Variants in NEO1 observed in about 807,000 individuals in gnomAD.
The protein encoded by NEO1 is neogenin 1.
A neutral mutation model predicts 159.7 loss-of-function variants in NEO1; 63 were observed. The observed-to-expected ratio is 0.39, with a 90% confidence interval of 0.32 to 0.49. The LOEUF is 0.49. Ranked by LOEUF, NEO1 falls within the 20% of genes least tolerant of loss-of-function variation. NEO1 has a pLI of 0.85. For missense variants in NEO1, 1,615 were observed against 1,831.0 expected (o/e 0.88, Z 2.15); for synonymous variants, 633 against 662.0 (o/e 0.96, Z 0.67).
intron 15 of NEO1, among the ~76,000 whole-genome samples, chr15:73,263,293 A>G (rs1042642821): frequency 6.6e-6 from 1 of 150,886 alleles, no homozygotes; most frequent in Non-Finnish European, 1.5e-5. Context: ...TCCTGGGTTC[A>G]AATGATTCTC....
At chr15:73,245,817 G>A (rs2039762289) in intron 9 of NEO1, among the ~76,000 whole-genome samples, 3 of 151,402 alleles carry the variant, frequency 2.0e-5, no homozygotes, top group Non-Finnish European at 4.4e-5. Context: ...TCCTGACCTC[G>A]TGATCCGCCC....
At chr15:73,285,351 C>A (rs1485447044) in intron 23 of NEO1, among the ~76,000 whole-genome samples, 1 of 152,160 alleles carries the variant, frequency 6.6e-6, no homozygotes, top group Non-Finnish European at 1.5e-5. Context: ...AACTCCTGAC[C>A]TCAAGTGATC....
At chr15:73,091,156 T>G (rs2069668445) in intron 1 of NEO1, among the ~76,000 whole-genome samples, 1 of 152,224 alleles carries the variant, frequency 6.6e-6, no homozygotes, top group Non-Finnish European at 1.5e-5. Flanking sequence ...ATACCATAAT[T>G]TACTTAGCCG....
intron 21 of NEO1, among the ~76,000 whole-genome samples, chr15:73,275,924 G>C (rs2041398498): frequency 6.6e-6 from 1 of 152,136 alleles, no homozygotes; most frequent in South Asian, 2.1e-4. Context: ...AAGTTATTTG[G>C]ATCTTGGCTA....
chr15:73,280,620 A>G (rs1298761313), intron 22 of NEO1, among the ~76,000 whole-genome samples: 1 of 152,156 alleles, frequency 6.6e-6, no homozygotes, highest in African/African-American at 2.4e-5. Flanking sequence ...TATGAACAGT[A>G]TGGTCCATTT....
intron 5 of NEO1, among the ~76,000 whole-genome samples, chr15:73,136,274 T>C (rs2031751061): frequency 6.6e-6 from 1 of 152,164 alleles, no homozygotes; most frequent in Admixed American, 6.5e-5. Flanking sequence ...AATATTTACC[T>C]TATTGGGATG....
intron 22 of NEO1, among the ~76,000 whole-genome samples, chr15:73,279,592 G>A (rs984058426): frequency 1.1e-4 from 16 of 151,814 alleles, no homozygotes; most frequent in South Asian, 6.3e-4. Context: ...CAGGTGATCC[G>A]CCCACCTCGG....
chr15:73,147,568 T>G (rs1299608626), intron 5 of NEO1, among the ~76,000 whole-genome samples: 2 of 152,156 alleles, frequency 1.3e-5, no homozygotes, highest in African/African-American at 4.8e-5. Flanking sequence ...TCTTCATTCT[T>G]TATTTAAAGA....
intron 1 of NEO1, among the ~76,000 whole-genome samples, chr15:73,107,815 G>T (rs2070766408): frequency 6.6e-6 from 1 of 152,138 alleles, no homozygotes; most frequent in South Asian, 2.1e-4. Flanking sequence ...AACTGTATTG[G>T]GTGAATGTGC....
chr15:73,118,445 G>A (rs1358484298), intron 2 of NEO1, among the ~76,000 whole-genome samples: 3 of 56,114 alleles, frequency 5.3e-5, no homozygotes, highest in East Asian at 4.7e-4. Flanking sequence ...CCCCACCCCC[G>A]TCCCCTACAT....
intron 5 of NEO1, among the ~76,000 whole-genome samples, chr15:73,136,687 A>G (rs574025934): frequency 2.0e-5 from 3 of 152,026 alleles, no homozygotes; most frequent in South Asian, 2.1e-4. Flanking sequence ...TTTTCCCCTT[A>G]TAGGTTCTTT....
Position 73,247,626 on chromosome 15 carries a change from G to A in NEO1, c.1607-1434G>A, listed in dbSNP as rs556445775. ...ATAGCAAAATTAATCTTAAGCTGTG[G>A]TGCTGTTATTCAGGAAAGCCAGTGT... On this transcript the variant is annotated intron_variant, in intron 9 of 28. Coordinates refer to ENST00000261908, the MANE Select transcript of NEO1 (RefSeq NM_002499.4). Among the ~76,000 whole-genome samples, 17 of 152,286 alleles carry A rather than the reference G, an allele frequency of 1.1e-4. 1 individual carries two copies. In the East Asian group the frequency reaches 3.1e-3, roughly 28 times the overall value.
intron 11 of NEO1, among the ~76,000 whole-genome samples, chr15:73,251,070 G>A (rs1300626727): frequency 1.3e-5 from 2 of 152,162 alleles, no homozygotes; most frequent in Admixed American, 6.5e-5. Flanking sequence ...ACAATATGTA[G>A]ATAGATAAAT....
intron 7 of NEO1, among the ~76,000 whole-genome samples, chr15:73,192,548 C>T (rs1039407472): frequency 6.6e-6 from 1 of 151,782 alleles, no homozygotes; most frequent in Non-Finnish European, 1.5e-5. Context: ...GATATAGTTA[C>T]TAAGTATTTA....
At chr15:73,128,224 G>T (rs953964133) in intron 4 of NEO1, among the ~76,000 whole-genome samples, 11 of 149,100 alleles carry the variant, frequency 7.4e-5, no homozygotes, top group African/African-American at 2.8e-4. Context: ...CATAAGCAAA[G>T]AATTTATAAG....
rs754933126 is a variant in NEO1 at position 73,258,870 on chromosome 15, C to G, written c.2197C>G (p.Leu733Val). The change falls in exon 14 of 29, where the codon CTA becomes GTA. Residue 733 changes from leucine (L) to valine (V), a missense_variant. Physicochemically the swap from Leu to Val is conservative, Grantham distance 32. This residue lies in a region of NEO1 where 1,018 missense variants were observed against 1,115.4 expected (regional missense o/e 0.91). Transcript: ENST00000261908. ...GTCTGCTGAAACTTTTGAAAGTGAC[C>G]TAGATGGTAAGAATAACAATTGGCA... is the stretch of plus-strand genomic sequence containing the variant. ...WLSAETFESD[L>V]DETRVPEVPS... is the part of the protein sequence containing the mutation. The G allele has an allele frequency of 6.2e-7, 1 of 1,612,802 alleles. No homozygotes were observed.
intron 16 of NEO1, among the ~76,000 whole-genome samples, chr15:73,269,795 C>T (rs555312533): frequency 6.6e-6 from 1 of 152,162 alleles, no homozygotes; most frequent in African/African-American, 2.4e-5. Context: ...TAGTTTATTA[C>T]TGCTTCTCTT....
chr15:73,178,244 G>T (rs1448427871), intron 6 of NEO1, 63 bp from the exon 7 acceptor site: 2 of 1,466,372 alleles, frequency 1.4e-6, no homozygotes, highest in African/African-American at 2.8e-5. Flanking sequence ...GCATATTTTT[G>T]AGATTTTGAT....
At chr15:73,053,729 C>T (rs1399390542) in intron 1 of NEO1, among the ~76,000 whole-genome samples, 1 of 152,180 alleles carries the variant, frequency 6.6e-6, no homozygotes, top group Non-Finnish European at 1.5e-5. Context: ...ATACACTCAG[C>T]AGTTGAAAGG....
Sources: allele counts gnomAD v4.1 joint callset (sites outside exome capture counted in the v4.1 genomes callset), GRCh38; gene constraint gnomAD v4.1.1; regional missense constraint gnomAD v4.1.1; transcripts MANE v1.5; gene names NCBI Gene and HGNC (gene_info 2026-07-23, HGNC 2026-07-21).